The following TBC1D22A variants were observed in gnomAD, a reference collection of about 807,000 sequenced individuals.
TBC1D22A encodes the protein TBC1 domain family member 22A.
TBC1D22A carries 38 observed loss-of-function variants against 60.2 expected under a neutral mutation model. The observed-to-expected ratio is 0.63, with a 90% CI of 0.49 to 0.83. The LOEUF is 0.83. Among genes scored for constraint, TBC1D22A ranks in the 40% least tolerant of loss-of-function variants. TBC1D22A has a pLI of 0.00. For synonymous variants in TBC1D22A, 302 were observed against 281.7 expected, an observed-to-expected ratio of 1.07 and a Z score of -0.72; for missense variants, 628 against 701.0, an observed-to-expected ratio of 0.90 and a Z score of 1.18.
intron 8 of TBC1D22A, among the ~76,000 whole-genome samples, chr22:46,938,935 A>G (rs551627077): frequency 1.3e-5 from 2 of 152,140 alleles, no homozygotes; most frequent in African/African-American, 4.8e-5. Flanking sequence ...GAATGGGAGA[A>G]TAAGAGATGG....
chr22:47,086,094 T>A (rs1349101759), intron 11 of TBC1D22A, among the ~76,000 whole-genome samples: 1 of 152,252 alleles, frequency 6.6e-6, no homozygotes, highest in East Asian at 1.9e-4. Flanking sequence ...GACGTGTCCA[T>A]TGGGCACTGT....
intron 11 of TBC1D22A, among the ~76,000 whole-genome samples, chr22:47,051,886 C>T (rs1374645002): frequency 3.9e-5 from 6 of 152,240 alleles, no homozygotes; most frequent in African/African-American, 1.4e-4. Flanking sequence ...CCTGCTGTTC[C>T]AGAATCTTAC....
At chr22:46,847,966 C>T (rs546643550) in intron 4 of TBC1D22A, among the ~76,000 whole-genome samples, 325 of 146,500 alleles carry the variant, frequency 2.2e-3, no homozygotes, top group African/African-American at 7.4e-3. Flanking sequence ...CGCGCGCGCA[C>T]GCGCTCTACA....
At chr22:47,162,756 C>A (rs1199637416) in intron 12 of TBC1D22A, among the ~76,000 whole-genome samples, 1 of 139,532 alleles carries the variant, frequency 7.2e-6, no homozygotes, top group Non-Finnish European at 1.5e-5. Flanking sequence ...CAGGGAGAGT[C>A]GGGGGAGTGG....
intron 8 of TBC1D22A, among the ~76,000 whole-genome samples, chr22:46,959,954 T>A (rs2073408172): frequency 1.3e-5 from 2 of 152,234 alleles, no homozygotes; most frequent in African/African-American, 4.8e-5. Flanking sequence ...TTTAGCTTTG[T>A]CCACAGGCTC....
chr22:47,096,763 A>T (rs1324728336), intron 11 of TBC1D22A, among the ~76,000 whole-genome samples: 7 of 152,216 alleles, frequency 4.6e-5, no homozygotes, highest in Admixed American at 4.6e-4. Flanking sequence ...TGGAGGTTGC[A>T]GTGAGCCGAG....
intron 11 of TBC1D22A, among the ~76,000 whole-genome samples, chr22:47,101,799 G>A (rs961542805): frequency 6.6e-6 from 1 of 152,144 alleles, no homozygotes; most frequent in Non-Finnish European, 1.5e-5. Flanking sequence ...CTTCCTTGAC[G>A]GGAGATGGGG....
At chr22:47,111,656 A>C (rs1048363303) in intron 12 of TBC1D22A, 53 bp downstream of exon 12, 47 of 1,516,448 alleles carry the variant, frequency 3.1e-5, no homozygotes, top group Non-Finnish European at 4.2e-5. Context: ...ACTAGGAGAG[A>C]GGTTTATTAC....
chr22:47,096,354 GATTC>G (rs1569442081), intron 11 of TBC1D22A, among the ~76,000 whole-genome samples: 1 of 152,148 alleles, frequency 6.6e-6, no homozygotes, highest in Admixed American at 6.5e-5. Flanking sequence ...TTCTCTTGTG[GATTC>G]TTTGGAGGAT....
chr22:47,129,492 A>G (rs547869106), intron 12 of TBC1D22A, among the ~76,000 whole-genome samples: 1 of 152,316 alleles, frequency 6.6e-6, no homozygotes, highest in South Asian at 2.1e-4. Flanking sequence ...CAAACAAAAA[A>G]ACAAAAAACC....
intron 9 of TBC1D22A, among the ~76,000 whole-genome samples, chr22:46,980,945 G>T (rs1308583681): frequency 2.0e-5 from 3 of 152,216 alleles, no homozygotes; most frequent in Admixed American, 2.0e-4. Context: ...TCTCCAATGA[G>T]ATTAGATTTA....
chr22:47,116,061 C>T (rs1200978437), intron 12 of TBC1D22A: 16 of 152,270 alleles, frequency 1.1e-4, no homozygotes, highest in Non-Finnish European at 1.5e-5. Flanking sequence ...CCCTGCAGGC[C>T]GCCCTCTCCC....
rs2148220434 is a variant in TBC1D22A, at chr22:46,994,223, CTT to C, written c.1126-3408_1126-3407del. On this transcript the variant is annotated intron_variant, in intron 9 of 12. Transcript: ENST00000337137. ...TGTGCCAGATGGAGGCAAAGAATAA[CTT>C]TTATTTCTGCTAACTGAGAGCCTAA... is the stretch of plus-strand genomic sequence containing the variant. 2.6e-5 allele frequency among the ~76,000 whole-genome samples: 4 copies of C among 152,238 alleles called. No homozygotes were observed. In the South Asian group the frequency reaches 8.3e-4, roughly 32 times the overall value.
intron 11 of TBC1D22A, among the ~76,000 whole-genome samples, chr22:47,041,609 C>T (rs781222557): frequency 2.8e-4 from 42 of 152,170 alleles, no homozygotes; most frequent in Non-Finnish European, 5.0e-4. Flanking sequence ...ATGTTCTCTG[C>T]GGCGTCCTGG....
At chr22:46,959,739 C>T (rs557939812) in intron 8 of TBC1D22A, among the ~76,000 whole-genome samples, 14 of 152,172 alleles carry the variant, frequency 9.2e-5, no homozygotes, top group Non-Finnish European at 1.8e-4. Flanking sequence ...TTCTGGGCAG[C>T]CTGGCACCCG....
intron 7 of TBC1D22A, among the ~76,000 whole-genome samples, chr22:46,898,899 G>A (rs530975267): frequency 2.0e-5 from 3 of 152,276 alleles, no homozygotes; most frequent in East Asian, 1.9e-4. Flanking sequence ...TTGGGATTTT[G>A]AAATTCAATT....
chr22:46,862,969 C>T (rs933647971), intron 4 of TBC1D22A, among the ~76,000 whole-genome samples: 11 of 152,244 alleles, frequency 7.2e-5, no homozygotes, highest in African/African-American at 1.9e-4. Context: ...GTCTCTGGTC[C>T]GTGGGCTTCC....
intron 12 of TBC1D22A, among the ~76,000 whole-genome samples, chr22:47,118,820 TA>T (rs1464056449): frequency 6.7e-6 from 1 of 149,268 alleles, no homozygotes; most frequent in Non-Finnish European, 1.5e-5. Context: ...CACATACATT[TA>T]AAAAATGCTA....
chr22:47,055,874 A>ATGAGATACGCCACTGAGGGTTGG (rs2063376258), intron 11 of TBC1D22A, among the ~76,000 whole-genome samples: 2 of 93,858 alleles, frequency 2.1e-5, no homozygotes, highest in Admixed American at 1.3e-4. Flanking sequence ...CGGAGGGTTG[A>ATGAGATACGCCACTGAGGGTTGG]TGAGATACGC....
Sources: allele counts gnomAD v4.1 joint callset (sites outside exome capture counted in the v4.1 genomes callset), GRCh38; gene constraint gnomAD v4.1.1; transcripts MANE v1.5; gene names NCBI Gene and HGNC (gene_info 2026-07-23, HGNC 2026-07-21).